Variants in RSBN1L observed in about 807,000 individuals in gnomAD.
RSBN1L encodes the protein round spermatid basic protein 1 like, also known as lysine-specific demethylase RSBN1L.
A neutral mutation model predicts 67.7 loss-of-function variants in RSBN1L; 30 were observed. That is an observed-to-expected ratio of 0.44 (90% CI 0.33 to 0.60). The LOEUF is 0.60. RSBN1L is among the 20% of genes least tolerant of loss of function. The pLI, the probability that RSBN1L is intolerant of heterozygous loss-of-function variation, is 0.02. For missense variants in RSBN1L, 992 were observed against 1,031.7 expected (o/e 0.96, Z 0.53); for synonymous variants, 433 against 387.0 (o/e 1.12, Z -1.39).
intron 3 of RSBN1L, among the ~76,000 whole-genome samples, chr7:77,760,758 C>T (rs1009630681): frequency 1.3e-5 from 2 of 152,188 alleles, no homozygotes; most frequent in Non-Finnish European, 2.9e-5. Context: ...CACTCAGCCT[C>T]CTGAGTAGCT....
At chr7:77,762,820 T>C (rs1262152998) in intron 3 of RSBN1L, among the ~76,000 whole-genome samples, 4 of 152,320 alleles carry the variant, frequency 2.6e-5, no homozygotes, top group South Asian at 2.1e-4. Context: ...AATAATGTTA[T>C]AGTTTTTTGG....
At chr7:77,699,104 G>A (rs1213444843) in intron 1 of RSBN1L, among the ~76,000 whole-genome samples, 2 of 152,070 alleles carry the variant, frequency 1.3e-5, no homozygotes, top group Non-Finnish European at 2.9e-5. Flanking sequence ...ATTTCTCTGT[G>A]CTTTTTGTAA....
chr7:77,767,608 C>T (rs1422181909), intron 4 of RSBN1L, among the ~76,000 whole-genome samples: 1 of 151,918 alleles, frequency 6.6e-6, no homozygotes, highest in Non-Finnish European at 1.5e-5. Context: ...CTCCTGAGCT[C>T]AGGTGATCTG....
At chr7:77,728,767 C>T (rs1314142198) in intron 1 of RSBN1L, among the ~76,000 whole-genome samples, 2 of 152,114 alleles carry the variant, frequency 1.3e-5, no homozygotes, top group African/African-American at 4.8e-5. Context: ...AACTTTTAGT[C>T]TTGGGGGATT....
intron 2 of RSBN1L, among the ~76,000 whole-genome samples, chr7:77,742,192 C>T (rs1235212043): frequency 7.0e-6 from 1 of 142,644 alleles, no homozygotes; most frequent in Admixed American, 6.9e-5. Context: ...TACACACACA[C>T]ACACACACAC....
chr7:77,773,056 A>C, intron 5 of RSBN1L, 91 bp from the exon 6 acceptor site: 1 of 636,146 alleles, frequency 1.6e-6, no homozygotes, highest in Non-Finnish European at 2.5e-6. Context: ...AGCAAATTTC[A>C]TATATTTTTG....
intron 5 of RSBN1L, among the ~76,000 whole-genome samples, chr7:77,772,705 A>G (rs1324497602): frequency 6.6e-6 from 1 of 152,236 alleles, no homozygotes; most frequent in African/African-American, 2.4e-5. Context: ...CTTATTTGCT[A>G]TTGTCTCATT....
intron 2 of RSBN1L, among the ~76,000 whole-genome samples, chr7:77,746,250 G>A (rs1420775993): frequency 6.6e-6 from 1 of 152,192 alleles, no homozygotes; most frequent in Admixed American, 6.5e-5. Flanking sequence ...CATGGTGCTG[G>A]CATCTGCTCA....
At chr7:77,741,714 A>G (rs1277547895) in intron 2 of RSBN1L, among the ~76,000 whole-genome samples, 2 of 151,962 alleles carry the variant, frequency 1.3e-5, no homozygotes, top group African/African-American at 4.8e-5. Flanking sequence ...AAAGAAAAGA[A>G]AAGAATTATA....
intron 3 of RSBN1L, among the ~76,000 whole-genome samples, chr7:77,758,454 T>C (rs1012050434): frequency 1.2e-4 from 18 of 152,316 alleles, no homozygotes; most frequent in African/African-American, 4.3e-4. Flanking sequence ...GAGAATGAGG[T>C]GTCCATCTCC....
intron 2 of RSBN1L, among the ~76,000 whole-genome samples, chr7:77,744,234 C>T (rs1791450962): frequency 6.6e-6 from 1 of 151,910 alleles, no homozygotes; most frequent in Non-Finnish European, 1.5e-5. Flanking sequence ...CAGGGTCTCA[C>T]CATGTTGCCT....
At chr7:77,773,025 A>T in intron 5 of RSBN1L, 122 bp from the exon 6 acceptor site, 1 of 532,870 alleles carries the variant, frequency 1.9e-6, no homozygotes, top group Non-Finnish European at 3.2e-6. Context: ...TGTTCATTTT[A>T]AAGATAGAAT....
At position 77,759,364 on chromosome 7, in the gene RSBN1L, A is replaced by G. The variant is rs182344459; in HGVS notation, c.1345-6131A>G. On this transcript the variant is annotated intron_variant, in intron 3 of 7. Coordinates refer to ENST00000334955, the MANE Select transcript of RSBN1L (RefSeq NM_198467.3). ...CTTTATTTTACTAATTTTAAAATGGATAATACTTTCGTTCTTATTTTAGTT... is the reference window on the plus strand; with the variant it reads ...CTTTATTTTACTAATTTTAAAATGGGTAATACTTTCGTTCTTATTTTAGTT... Among the ~76,000 whole-genome samples, 576 of 152,302 alleles carry G rather than the reference A, an allele frequency of 3.8e-3. 4 individuals are homozygous for G. Among genetic ancestry groups the G allele is most frequent in the African/African-American group, 0.013 (546 of 41,556 alleles).
chr7:77,725,498 C>G (rs1311339802), intron 1 of RSBN1L, among the ~76,000 whole-genome samples: 1 of 149,988 alleles, frequency 6.7e-6, no homozygotes, highest in African/African-American at 2.4e-5. Context: ...CCACCTGCCT[C>G]GGCCTCCCAT....
intron 1 of RSBN1L, among the ~76,000 whole-genome samples, chr7:77,727,404 T>C (rs963118639): frequency 2.0e-5 from 3 of 152,230 alleles, no homozygotes; most frequent in Non-Finnish European, 4.4e-5. Flanking sequence ...TGCTTTTAAT[T>C]CCAAGTTTCT....
chr7:77,715,473 T>C (rs1188347625), intron 1 of RSBN1L, among the ~76,000 whole-genome samples: 1 of 151,806 alleles, frequency 6.6e-6, no homozygotes, highest in Admixed American at 6.6e-5. Context: ...CTCGGGTAAT[T>C]TTTTAAAAAT....
intron 2 of RSBN1L, among the ~76,000 whole-genome samples, chr7:77,739,758 T>G (rs1386259362): frequency 9.5e-5 from 9 of 94,880 alleles, no homozygotes; most frequent in African/African-American, 3.5e-4. Flanking sequence ...TTTTTTTTTT[T>G]TTTTTTTTTT....
intron 3 of RSBN1L, among the ~76,000 whole-genome samples, chr7:77,750,938 A>G (rs1791549060): frequency 6.6e-6 from 1 of 152,190 alleles, no homozygotes; most frequent in Admixed American, 6.5e-5. Context: ...CATTGTCAGC[A>G]GTGTCAGGAT....
At chr7:77,769,670 A>AC (rs1791819911) in intron 5 of RSBN1L, among the ~76,000 whole-genome samples, 2 of 152,248 alleles carry the variant, frequency 1.3e-5, no homozygotes, top group Admixed American at 1.3e-4. Context: ...GGAACTCATG[A>AC]CACACCAAAG....
Sources: gnomAD v4.1 joint callset for allele counts (sites outside exome capture counted in the v4.1 genomes callset) on GRCh38, gnomAD v4.1.1 for gene constraint, MANE v1.5 for transcripts, NCBI Gene and HGNC (gene_info 2026-07-23, HGNC 2026-07-21) for gene names.